ANO6: variants seen among roughly 807,000 people sequenced by gnomAD.
ANO6 encodes the protein anoctamin 6.
ANO6 carries 106 observed loss-of-function variants against 117.5 expected under a neutral mutation model. The observed-to-expected ratio is 0.90, with a 90% confidence interval of 0.77 to 1.06. The LOEUF is 1.06. ANO6 is among the 50% of genes least tolerant of loss of function. The probability of loss-of-function intolerance (pLI) is 0.00; values close to 1 mark genes in which losing one functional copy is unlikely to be tolerated. For synonymous variants in ANO6, 367 were observed against 385.1 expected (o/e 0.95, Z 0.55); for missense variants, 955 against 1,121.1 (o/e 0.85, Z 2.12).
At chr12:45,277,729 C>G (rs1938599184) in intron 1 of ANO6, among the ~76,000 whole-genome samples, 2 of 152,120 alleles carry the variant, frequency 1.3e-5, no homozygotes, top group Non-Finnish European at 2.9e-5. Flanking sequence ...ATTATCTGCT[C>G]TCAGAATTTT....
Position 45,274,475 on chromosome 12 carries a change from C to T in ANO6, c.71-27539C>T, listed in dbSNP as rs527729853. 2.6e-5 allele frequency among the ~76,000 whole-genome samples: 4 copies of T among 152,062 alleles called. No homozygotes were observed. In the South Asian group the frequency reaches 8.3e-4, roughly 32 times the overall value. On this transcript the variant is annotated intron_variant, in intron 1 of 19. Transcript: ENST00000320560. ...CACCTCGTATTCTCAAATTCAAGCA[C>T]CCAACATCCCCTGCGCCCACACCTA...
intron 1 of ANO6, among the ~76,000 whole-genome samples, chr12:45,237,146 T>G (rs1592851900): frequency 6.6e-6 from 1 of 152,356 alleles, no homozygotes; most frequent in East Asian, 1.9e-4. Flanking sequence ...GATGGGCAGA[T>G]TGCAAAAATT....
chr12:45,348,372 G>T (rs981309931), intron 5 of ANO6, 57 bp downstream of exon 5: 1 of 1,610,934 alleles, frequency 6.2e-7, no homozygotes, highest in Non-Finnish European at 8.5e-7. Context: ...CTGCTGTTTT[G>T]TGGTTTGGTT....
chr12:45,415,194 CTACCACTCATTCATTCATCATTATTTG>C lies in ANO6; in HGVS notation c.2012-1503_2012-1477del, dbSNP rs552316908. On this transcript the variant is annotated intron_variant, in intron 16 of 19. Coordinates refer to ENST00000320560, the MANE Select transcript of ANO6 (RefSeq NM_001025356.3). ...TGCCCAATCAAGAGTTTGGCACATC[CTACCACTCATTCATTCATCATTATTTG>C]TTTTTTCTTAAGTCAATTATCATAG... 8.3e-3 allele frequency among the ~76,000 whole-genome samples: 1,266 copies of C among 152,296 alleles called. 13 individuals carry two copies. The highest frequency in any genetic ancestry group is 0.012 in the Non-Finnish European group (806 of 68,028).
At chr12:45,230,747 T>A (rs1250183633) in intron 1 of ANO6, among the ~76,000 whole-genome samples, 2 of 152,158 alleles carry the variant, frequency 1.3e-5, no homozygotes, top group South Asian at 4.1e-4. Flanking sequence ...GATTTTAAAG[T>A]GTCTTGTATT....
intron 1 of ANO6, among the ~76,000 whole-genome samples, chr12:45,233,431 T>G (rs1357280224): frequency 6.6e-6 from 1 of 152,214 alleles, no homozygotes; most frequent in Non-Finnish European, 1.5e-5. Flanking sequence ...TTTTTCTGTG[T>G]AGGGATCTTT....
chr12:45,399,530 T>C (rs1038137559), intron 12 of ANO6, among the ~76,000 whole-genome samples: 1 of 151,944 alleles, frequency 6.6e-6, no homozygotes, highest in African/African-American at 2.4e-5. Context: ...TATTGATGGG[T>C]GAAGCTTCTC....
intron 10 of ANO6, among the ~76,000 whole-genome samples, chr12:45,385,681 G>T (rs1942279575): frequency 6.6e-6 from 1 of 152,122 alleles, no homozygotes; most frequent in South Asian, 2.1e-4. Context: ...CCATCCCATT[G>T]ACAAAGAAGC....
intron 1 of ANO6, among the ~76,000 whole-genome samples, chr12:45,291,232 G>C (rs1436520226): frequency 6.6e-6 from 1 of 151,730 alleles, no homozygotes; most frequent in Non-Finnish European, 1.5e-5. Context: ...TGTAATCCCA[G>C]CTACTCAGGA....
rs531530331 is a variant in ANO6, at chr12:45,397,835, C to T, written c.1387-3960C>T. Among the ~76,000 whole-genome samples, 166 of 152,094 alleles carry T rather than the reference C, an allele frequency of 1.1e-3. 2 individuals carry two copies. Among genetic ancestry groups the T allele is most frequent in the Non-Finnish European group, 4.3e-4 (29 of 67,972 alleles). Reference sequence around the variant, plus strand: ...ACATCACATAGTGGGGCCTGTTGGGCGGTGGGGGGCTAGGGGAAGCATAGC... The same window carrying T: ...ACATCACATAGTGGGGCCTGTTGGGTGGTGGGGGGCTAGGGGAAGCATAGC... On this transcript the variant is annotated intron_variant, in intron 12 of 19. Transcript: ENST00000320560.
intron 1 of ANO6, among the ~76,000 whole-genome samples, chr12:45,244,841 T>TTCTCTA (rs1947800583): frequency 1.3e-5 from 2 of 152,178 alleles, no homozygotes; most frequent in Non-Finnish European, 2.9e-5. Flanking sequence ...TGTTTAAACA[T>TTCTCTA]TTCTTGACTT....
chr12:45,386,864 C>G (rs1432842009), intron 10 of ANO6, among the ~76,000 whole-genome samples: 1 of 152,262 alleles, frequency 6.6e-6, no homozygotes, highest in Non-Finnish European at 1.5e-5. Flanking sequence ...ACCTGATCAG[C>G]TCTGAGGCAT....
At chr12:45,264,091 G>T (rs1938135821) in intron 1 of ANO6, among the ~76,000 whole-genome samples, 1 of 152,166 alleles carries the variant, frequency 6.6e-6, no homozygotes, top group Non-Finnish European at 1.5e-5. Context: ...AACCAGCTTG[G>T]TGGGTGTAAT....
chr12:45,416,670 T>G, intron 16 of ANO6, 29 bp from the exon 17 acceptor site: 1 of 1,610,476 alleles, frequency 6.2e-7, no homozygotes, highest in Non-Finnish European at 8.5e-7. Context: ...CCACCACCAC[T>G]CCATGATGTG....
intron 3 of ANO6, among the ~76,000 whole-genome samples, chr12:45,342,077 C>T (rs1216386397): frequency 6.6e-6 from 1 of 152,108 alleles, no homozygotes; most frequent in African/African-American, 2.4e-5. Flanking sequence ...TTTGCCCAAA[C>T]ATCACAGAGC....
chr12:45,294,340 G>A (rs138131494), intron 1 of ANO6, among the ~76,000 whole-genome samples: 1 of 152,162 alleles, frequency 6.6e-6, no homozygotes, highest in Non-Finnish European at 1.5e-5. Context: ...TATAGTACTG[G>A]ACCCTGGCCA....
intron 1 of ANO6, among the ~76,000 whole-genome samples, chr12:45,262,945 C>CA (rs2137215260): frequency 6.6e-6 from 1 of 152,114 alleles, no homozygotes; most frequent in Non-Finnish European, 1.5e-5. Flanking sequence ...AGGAAATGGC[C>CA]AATTAGTAGG....
At chr12:45,247,511 T>C (rs1322046692) in intron 1 of ANO6, among the ~76,000 whole-genome samples, 1 of 152,220 alleles carries the variant, frequency 6.6e-6, no homozygotes, top group Non-Finnish European at 1.5e-5. Context: ...GCTGAATCAC[T>C]GAGGTGGTTC....
chr12:45,343,327 A>G (rs962887206), intron 3 of ANO6, among the ~76,000 whole-genome samples: 2 of 152,184 alleles, frequency 1.3e-5, no homozygotes, highest in Non-Finnish European at 2.9e-5. Context: ...TCCAAGAGCT[A>G]AAATTCTTGG....
Sources: gnomAD v4.1 joint callset for allele counts (sites outside exome capture counted in the v4.1 genomes callset) on GRCh38, gnomAD v4.1.1 for gene constraint, MANE v1.5 for transcripts, NCBI Gene and HGNC (gene_info 2026-07-23, HGNC 2026-07-21) for gene names.